Variants in FBXW2 observed in about 807,000 individuals in gnomAD.
FBXW2 encodes F-box/WD repeat-containing protein 2.
A neutral mutation model predicts 46.0 loss-of-function variants in FBXW2; 12 were observed. That is an observed-to-expected ratio of 0.26 (90% CI 0.17 to 0.42). FBXW2 has a LOEUF of 0.42. FBXW2 is among the 10% of genes least tolerant of loss of function. The pLI is 1.00. For missense variants in FBXW2, 360 were observed against 537.0 expected, an observed-to-expected ratio of 0.67 and a Z score of 3.26; for synonymous variants, 203 against 209.6, an observed-to-expected ratio of 0.97 and a Z score of 0.27.
intron 3 of FBXW2, among the ~76,000 whole-genome samples, chr9:120,779,195 G>A (rs1347340997): frequency 6.6e-6 from 1 of 152,160 alleles, no homozygotes; most frequent in African/African-American, 2.4e-5. Flanking sequence ...GGGAAAAGTT[G>A]GCTTTATTTC....
chr9:120,774,508 T>G (rs1410437314), intron 5 of FBXW2, among the ~76,000 whole-genome samples: 1 of 152,184 alleles, frequency 6.6e-6, no homozygotes, highest in Non-Finnish European at 1.5e-5. Flanking sequence ...TGAGACCCTG[T>G]CTGTATTAAA....
In FBXW2 at chr9:120,764,808, A is replaced by G; in HGVS notation, c.1116T>C (p.Leu372=). The part of the protein sequence containing the change: ...KTPEIANLAL[L]GFGDIFALLF... ...GCAGGGCAAAGATATCTCCAAAGCC[A>G]AGCAAGGCCAAGTTTGCTATCTCAG... is the stretch of plus-strand genomic sequence containing the variant. The change falls in exon 8 of 8, where the codon CTT becomes CTC. Residue 372 remains leucine (L), a synonymous_variant. Transcript: ENST00000608872. The G allele has an allele frequency of 1.2e-6, 2 of 1,601,840 alleles. No homozygotes were observed. The highest frequency in any genetic ancestry group is 1.7e-6 in the Non-Finnish European group (2 of 1,172,000).
chr9:120,790,827 A>G (rs1036952295), intron 2 of FBXW2, among the ~76,000 whole-genome samples: 8 of 152,222 alleles, frequency 5.3e-5, no homozygotes, highest in African/African-American at 1.9e-4. Flanking sequence ...AAATTTAAAA[A>G]AAAAATGCCA....
At position 120,771,489 on chromosome 9, in the gene FBXW2, C is replaced by G. The variant is rs772711622; in HGVS notation, c.935G>C (p.Cys312Ser). 1 of 1,612,502 alleles carries G rather than the reference C, an allele frequency of 6.2e-7. No individual in the cohort carries two copies. The highest frequency in any genetic ancestry group is 8.5e-7 in the Non-Finnish European group (1 of 1,179,586). Reference sequence around the variant, plus strand: ...GACAGACAATGTCTTTAAGCACTTACAGTTGATTTCTCTCCCAATTGGCCA... The same window carrying G: ...GACAGACAATGTCTTTAAGCACTTAGAGTTGATTTCTCTCCCAATTGGCCA... ...KIWPIGREIN[C>S]KCLKTLSVSE... The change falls in exon 7 of 8, where the codon TGT becomes TCT. Residue 312 changes from cysteine (C) to serine (S), a missense_variant. Physicochemically the swap from Cys to Ser is moderately radical, Grantham distance 112 (BLOSUM62 -1). Coordinates refer to ENST00000608872, the MANE Select transcript of FBXW2 (RefSeq NM_012164.4).
At chr9:120,776,354 A>T in intron 4 of FBXW2, 128 bp from the exon 5 acceptor site, 2 of 1,011,802 alleles carry the variant, frequency 2.0e-6, no homozygotes, top group Non-Finnish European at 2.8e-6. Flanking sequence ...GAATGATGCT[A>T]TTCAACTAGC....
At chr9:120,784,965 A>C (rs2044689790) in intron 3 of FBXW2, among the ~76,000 whole-genome samples, 1 of 151,136 alleles carries the variant, frequency 6.6e-6, no homozygotes, top group Admixed American at 6.6e-5. Flanking sequence ...AAAAATGGTC[A>C]ACTGCCAGTA....
intron 2 of FBXW2, among the ~76,000 whole-genome samples, chr9:120,789,383 G>C (rs1405617408): frequency 1.3e-5 from 2 of 152,136 alleles, no homozygotes; most frequent in African/African-American, 4.8e-5. Context: ...TTTTTTTAAA[G>C]TATCCTGTAT....
Position 120,787,796 on chromosome 9 carries a change from A to G in FBXW2, c.463T>C (p.Tyr155His). Residue 155 changes from tyrosine to histidine, a missense_variant, in exon 3 of 8, where the codon TAC (tyrosine) becomes CAC (histidine). Coordinates refer to ENST00000608872, the MANE Select transcript of FBXW2 (RefSeq NM_012164.4). ...IGHSARVYALYYKDGLLCTGS... is the reference protein window; with the variant it reads ...IGHSARVYALHYKDGLLCTGS... ...GTACAGAGAAGTCCATCTTTGTAGT[A>G]AAGTGCATACACTCTGGCACTGTGT... is the stretch of plus-strand genomic sequence containing the variant. The G allele has an allele frequency of 1.2e-6, 2 of 1,613,838 alleles. No homozygotes were observed. The highest frequency in any genetic ancestry group is 1.1e-5 in the South Asian group (1 of 91,034).
chr9:120,769,570 A>C (rs1428800749), intron 7 of FBXW2, among the ~76,000 whole-genome samples: 1 of 152,172 alleles, frequency 6.6e-6, no homozygotes, highest in Non-Finnish European at 1.5e-5. Context: ...TCCCACCTAA[A>C]ATTTTAATTC....
In FBXW2 at chr9:120,759,709, A is replaced by C. The variant is rs955058528; in HGVS notation, c.*4850T>G. 9.9e-5 allele frequency: 15 copies of C among 152,232 alleles called. 1 individual carries two copies. Among genetic ancestry groups the C allele is most frequent in the African/African-American group, 3.4e-4 (14 of 41,464 alleles). The allele number at this position is 152,232 out of a possible 1,614,324, so 9.4% of individuals were successfully genotyped here. ...TTCCAGGGTTGAATATTAAAAACAC[A>C]TATTTACTTGGGCACATTTATGAAG... On this transcript the variant is annotated 3_prime_UTR_variant, in exon 8 of 8. Transcript: ENST00000608872.
chr9:120,767,729 C>A (rs932942912), intron 7 of FBXW2, among the ~76,000 whole-genome samples: 4 of 152,194 alleles, frequency 2.6e-5, no homozygotes, highest in African/African-American at 9.6e-5. Context: ...TTTTCTATTT[C>A]TTTACTTGCT....
chr9:120,786,443 G>T (rs1000530565), intron 3 of FBXW2, among the ~76,000 whole-genome samples: 2 of 152,158 alleles, frequency 1.3e-5, no homozygotes, highest in African/African-American at 2.4e-5. Flanking sequence ...TGACATGATT[G>T]TAAGTTTCCT....
Position 120,764,421 on chromosome 9 carries a change from C to T in FBXW2, c.*138G>A. ...CCCCGAGCCCTGGCCCCTGGCAAAA[C>T]ATAGATAAATGATTGTGCACTGCGT... On this transcript the variant is annotated 3_prime_UTR_variant, in exon 8 of 8. Transcript: ENST00000608872. 1 of 1,014,018 alleles carries T rather than the reference C, an allele frequency of 9.9e-7. No homozygotes were observed. The highest frequency in any genetic ancestry group is 1.5e-6 in the Non-Finnish European group (1 of 688,922). 62.8% of individuals were successfully genotyped at this position (1,014,018 alleles called of 1,614,324 possible).
intron 3 of FBXW2, among the ~76,000 whole-genome samples, chr9:120,786,191 G>C (rs960730496): frequency 6.6e-6 from 1 of 152,156 alleles, no homozygotes; most frequent in African/African-American, 2.4e-5. Flanking sequence ...TAAGCTTTGT[G>C]TCCTCACCCA....
At chr9:120,791,378 T>G (rs139892662) in intron 2 of FBXW2, among the ~76,000 whole-genome samples, 1 of 152,136 alleles carries the variant, frequency 6.6e-6, no homozygotes, top group Admixed American at 6.5e-5. Flanking sequence ...ACTTTGGAGG[T>G]TGGCCAGATG....
chr9:120,779,642 A>T (rs2044568925), intron 3 of FBXW2, among the ~76,000 whole-genome samples: 1 of 152,200 alleles, frequency 6.6e-6, no homozygotes. Flanking sequence ...TGGCCATGTG[A>T]TACAACTTTA....
intron 4 of FBXW2, 53 bp from the exon 5 acceptor site, chr9:120,776,279 T>G: frequency 6.4e-7 from 1 of 1,574,306 alleles, no homozygotes; most frequent in Non-Finnish European, 8.6e-7. Context: ...GTGGGTCTTT[T>G]ATAATAGAGT....
chr9:120,787,770 T>C lies in FBXW2; in HGVS notation c.489A>G (p.Thr163=), dbSNP rs753715894. The C allele has an allele frequency of 1.9e-6, 3 of 1,609,854 alleles. No homozygotes were observed. The highest frequency in any genetic ancestry group is 2.5e-6 in the Non-Finnish European group (3 of 1,178,404). Residue 163 remains threonine, a splice_region_variant and synonymous_variant, in exon 3 of 8, where the codon ACA becomes ACG. Transcript: ENST00000608872. ...AAAAGCAGTTTCAACATCTCTTACC[T>C]GTACAGAGAAGTCCATCTTTGTAGT... ...ALYYKDGLLC[T]GSDDLSAKLW...
At chr9:120,787,107 G>C (rs1232457916) in intron 3 of FBXW2, among the ~76,000 whole-genome samples, 2 of 152,056 alleles carry the variant, frequency 1.3e-5, no homozygotes, top group African/African-American at 4.8e-5. Context: ...CAGCTCACTG[G>C]AACCTCCGCC....
Sources: allele counts gnomAD v4.1 joint callset (sites outside exome capture counted in the v4.1 genomes callset), GRCh38; gene constraint gnomAD v4.1.1; transcripts MANE v1.5; gene names NCBI Gene and HGNC (gene_info 2026-07-23, HGNC 2026-07-21).